SOS1: variants seen among roughly 807,000 people sequenced by gnomAD.
The protein encoded by SOS1 is son of sevenless homolog 1.
Under a neutral mutation model 157.6 loss-of-function variants are expected in SOS1, and 25 were observed. That is an observed-to-expected ratio of 0.16 (90% CI 0.12 to 0.22). The LOEUF (loss-of-function observed/expected upper bound fraction) is 0.22. SOS1 is among the 10% of genes least tolerant of loss of function. The probability of loss-of-function intolerance (pLI) is 1.00; values close to 1 mark genes in which losing one functional copy is unlikely to be tolerated. For missense variants in SOS1, 1,237 were observed against 1,599.1 expected, an observed-to-expected ratio of 0.77 and a Z score of 3.86; for synonymous variants, 528 against 534.0, an observed-to-expected ratio of 0.99 and a Z score of 0.16.
chr2:39,014,842 G>A lies in SOS1; in HGVS notation c.1863C>T (p.Pro621=), dbSNP rs759125551. The A allele has an allele frequency of 1.9e-6, 3 of 1,576,666 alleles. No homozygotes were observed. Among genetic ancestry groups the A allele is most frequent in the Non-Finnish European group, 2.6e-6 (3 of 1,146,718 alleles). ...ERLTYHMYAD[P]NFVRTFLTTY... Reference sequence around the variant, plus strand: ...TTGTAAGAAATGTCCGAACAAAATTGGGATCTAAGAAGAAAAAGGAAAAAT... The same window carrying A: ...TTGTAAGAAATGTCCGAACAAAATTAGGATCTAAGAAGAAAAAGGAAAAAT... Residue 621 remains proline, a synonymous_variant, in exon 11 of 23, where the codon CCC becomes CCT. Coordinates refer to ENST00000402219, the MANE Select transcript of SOS1 (RefSeq NM_005633.4).
intron 1 of SOS1, among the ~76,000 whole-genome samples, chr2:39,092,477 C>T (rs562449088): frequency 2.6e-5 from 4 of 152,322 alleles, no homozygotes; most frequent in South Asian, 4.1e-4. Context: ...GTATCCCCTG[C>T]TCTCCTGCCT....
chr2:39,064,931 T>A (rs957406820), intron 2 of SOS1, among the ~76,000 whole-genome samples: 1 of 150,948 alleles, frequency 6.6e-6, no homozygotes, highest in African/African-American at 2.4e-5. Flanking sequence ...TGTATTTTTT[T>A]TTTTTTAGTA....
chr2:38,989,323 G>GGA lies in SOS1; in HGVS notation c.3347-11_3347-10dup, dbSNP rs1192047964. 1 of 1,596,224 alleles carries GGA rather than the reference G, an allele frequency of 6.3e-7. No individual in the cohort carries two copies. Among genetic ancestry groups the GGA allele is most frequent in the African/African-American group, 1.3e-5 (1 of 74,634 alleles). ...AAAGACGGTATCATTGCCTGTGAAA[G>GGA]GAAACAAGAAAAAGTAGATTTTTTT... On this transcript the variant is annotated splice_polypyrimidine_tract_variant and intron_variant, in intron 20 of 22. Coordinates refer to ENST00000402219, the MANE Select transcript of SOS1 (RefSeq NM_005633.4).
chr2:39,075,588 G>GAGTCTAGGAGTCCAAGA (rs1671941973), intron 1 of SOS1, among the ~76,000 whole-genome samples: 1 of 150,934 alleles, frequency 6.6e-6, no homozygotes, highest in Admixed American at 6.6e-5. Flanking sequence ...AGGATTACCT[G>GAGTCTAGGAGTCCAAGA]AGTCTAGGAG....
intron 1 of SOS1, among the ~76,000 whole-genome samples, chr2:39,112,120 A>G (rs1673461739): frequency 6.6e-6 from 1 of 151,914 alleles, no homozygotes; most frequent in Non-Finnish European, 1.5e-5. Flanking sequence ...TTTTTCTTCC[A>G]ATCCATTATT....
At chr2:39,051,071 AG>A in intron 6 of SOS1, 72 bp downstream of exon 6, 1 of 1,359,196 alleles carries the variant, frequency 7.4e-7, no homozygotes. Context: ...GCTGGAAAGA[AG>A]TAAGACTCTC....
chr2:39,085,927 C>G (rs1257954970), intron 1 of SOS1, among the ~76,000 whole-genome samples: 2 of 152,108 alleles, frequency 1.3e-5, no homozygotes, highest in Non-Finnish European at 2.9e-5. Context: ...TAATAATAAA[C>G]AAAAGTATAA....
At position 39,120,979 on chromosome 2, in the gene SOS1, G is replaced by GGCCGCCGCCGCCACCGCC; in HGVS notation, c.-575_-558dup. On this transcript the variant is annotated 5_prime_UTR_variant, in exon 1 of 23. Transcript: ENST00000402219. ...TCTGGCTGCCCTGAGGTGCCGCCGC[G>GGCCGCCGCCGCCACCGCC]GCCGCCGCCGCCACCGCCGCCGCCG... 5.7e-6 allele frequency: 1 copy of GGCCGCCGCCGCCACCGCC among 176,396 alleles called. No homozygotes were observed. The highest frequency in any genetic ancestry group is 1.3e-4 in the South Asian group (1 of 7,688). 10.9% of individuals were successfully genotyped at this position (176,396 alleles called of 1,614,324 possible). A position where few individuals can be genotyped will look rare whatever the true frequency, so the allele number is the denominator to read the frequency against.
chr2:39,081,036 TAA>T (rs902128978), intron 1 of SOS1, among the ~76,000 whole-genome samples: 3 of 150,148 alleles, frequency 2.0e-5, no homozygotes, highest in African/African-American at 7.4e-5. Context: ...AAAAAAATAA[TAA>T]AAAAATTAGC....
intron 1 of SOS1, among the ~76,000 whole-genome samples, chr2:39,115,789 T>G (rs919377167): frequency 9.2e-5 from 14 of 152,224 alleles, no homozygotes; most frequent in African/African-American, 3.4e-4. Flanking sequence ...TATCACAATT[T>G]GCTTATTCAT....
At chr2:39,048,962 C>CCAG (rs1309525944) in intron 6 of SOS1, among the ~76,000 whole-genome samples, 1 of 152,068 alleles carries the variant, frequency 6.6e-6, no homozygotes, top group Admixed American at 6.6e-5. Context: ...CTTGCTCTGT[C>CCAG]ACTGGACGGC....
intron 2 of SOS1, among the ~76,000 whole-genome samples, chr2:39,063,685 G>A (rs1001207064): frequency 1.3e-5 from 2 of 152,046 alleles, no homozygotes; most frequent in Admixed American, 1.3e-4. Flanking sequence ...AAGTACTTTT[G>A]AAGCACCTAT....
chr2:38,987,203 T>A (rs1668583320), intron 22 of SOS1, among the ~76,000 whole-genome samples: 1 of 152,174 alleles, frequency 6.6e-6, no homozygotes, highest in African/African-American at 2.4e-5. Flanking sequence ...GAAACCAAAT[T>A]CCTCTTACTT....
chr2:39,110,954 G>C (rs962216162), intron 1 of SOS1, among the ~76,000 whole-genome samples: 8 of 152,026 alleles, frequency 5.3e-5, no homozygotes, highest in African/African-American at 1.9e-4. Flanking sequence ...TACAAAAATG[G>C]GCCAGGCATG....
In SOS1 at chr2:39,024,153, G is replaced by T; in HGVS notation, c.1075-16C>A. 6.2e-7 allele frequency: 1 copy of T among 1,601,652 alleles called. No homozygotes were observed. Among genetic ancestry groups the T allele is most frequent in the South Asian group, 1.1e-5 (1 of 90,624 alleles). On this transcript the variant is annotated splice_polypyrimidine_tract_variant and intron_variant, in intron 8 of 22. Transcript: ENST00000402219. ...CTTCTAACTGCTGTAAAGCCAAAAT[G>T]ACAAATCTGAACCAGTAGTACATTT... is the stretch of plus-strand genomic sequence containing the variant.
chr2:39,031,196 T>A (rs539687787), intron 8 of SOS1, among the ~76,000 whole-genome samples: 1 of 152,198 alleles, frequency 6.6e-6, no homozygotes, highest in Non-Finnish European at 1.5e-5. Context: ...CACAACAACA[T>A]AGACTTCAAC....
chr2:39,010,272 C>T (rs372430596), intron 15 of SOS1, among the ~76,000 whole-genome samples: 1 of 149,416 alleles, frequency 6.7e-6, no homozygotes, highest in East Asian at 2.0e-4. Context: ...GCTGAGATCA[C>T]ACCACTGCAC....
intron 14 of SOS1, among the ~76,000 whole-genome samples, chr2:39,011,454 GA>G (rs1326670673): frequency 8.6e-5 from 13 of 151,000 alleles, no homozygotes; most frequent in Non-Finnish European, 1.5e-5. Context: ...AGGAGGAGAG[GA>G]AAAAAACCTA....
intron 8 of SOS1, among the ~76,000 whole-genome samples, chr2:39,024,463 C>T (rs1006648998): frequency 2.0e-5 from 3 of 151,242 alleles, no homozygotes; most frequent in African/African-American, 7.3e-5. Flanking sequence ...AGTTAGCATA[C>T]CACTAAGCAT....
Sources: allele counts gnomAD v4.1 joint callset (sites outside exome capture counted in the v4.1 genomes callset), GRCh38; gene constraint gnomAD v4.1.1; transcripts MANE v1.5; gene names NCBI Gene and HGNC (gene_info 2026-07-23, HGNC 2026-07-21).